The following SLC38A1 variants were observed in gnomAD, a reference collection of about 807,000 sequenced individuals.
SLC38A1 encodes sodium-coupled neutral amino acid symporter 1.
In SLC38A1, 18 loss-of-function variants were observed where a neutral mutation model predicts 60.3. The ratio of observed to expected loss-of-function variants is 0.30; its 90% CI spans 0.21 to 0.44. The LOEUF (loss-of-function observed/expected upper bound fraction) is 0.44, where lower values mean the gene tolerates loss of function less well. Ranked by LOEUF, SLC38A1 falls within the 20% of genes least tolerant of loss-of-function variation. The pLI is 1.00. For synonymous variants in SLC38A1, 196 were observed against 212.1 expected, an observed-to-expected ratio of 0.92 and a Z score of 0.66; for missense variants, 448 against 587.2, an observed-to-expected ratio of 0.76 and a Z score of 2.45.
chr12:46,190,549 C>T (rs2136840386), intron 16 of SLC38A1, among the ~76,000 whole-genome samples: 1 of 152,322 alleles, frequency 6.6e-6, no homozygotes, highest in African/African-American at 2.4e-5. Flanking sequence ...TACACTCCCA[C>T]CAACAGTGTA....
intron 5 of SLC38A1, among the ~76,000 whole-genome samples, chr12:46,213,990 A>T (rs939755689): frequency 2.6e-5 from 4 of 152,248 alleles, no homozygotes; most frequent in African/African-American, 9.6e-5. Context: ...CTATGAAGAT[A>T]GTCCCATGAT....
rs754713817 is a variant in SLC38A1, at chr12:46,188,683, CAT to C, written c.*285_*286del. 3.4e-5 allele frequency: 9 copies of C among 262,038 alleles called. No homozygotes were observed. The highest frequency in any genetic ancestry group is 5.8e-5 in the Non-Finnish European group (8 of 136,898). 16.2% of individuals were successfully genotyped at this position (262,038 alleles called of 1,614,324 possible). On this transcript the variant is annotated 3_prime_UTR_variant, in exon 17 of 17. Coordinates refer to ENST00000398637, the MANE Select transcript of SLC38A1 (RefSeq NM_030674.4). Reference sequence around the variant, plus strand: ...TCTAAGAGACCGGGAAGCCACAAAACATAGAGTTAGATGGGTAAAAAATGATT... The same window carrying C: ...TCTAAGAGACCGGGAAGCCACAAAACAGAGTTAGATGGGTAAAAAATGATT...
rs1939962575 is a variant in SLC38A1 at position 46,207,521 on chromosome 12, C to T, written c.481+8G>A. ...CAAGTTATGTAAAGAAAAGCATGTT[C>T]TTTTTACCTCCAGTGTTCTGTAGAG... On this transcript the variant is annotated splice_region_variant and intron_variant, in intron 7 of 16. Coordinates refer to ENST00000398637, the MANE Select transcript of SLC38A1 (RefSeq NM_030674.4). The T allele has an allele frequency of 6.2e-7, 1 of 1,611,710 alleles. No homozygotes were observed.
In SLC38A1 at chr12:46,189,088, G is replaced by C. The variant is rs568741949; in HGVS notation, c.1363-17C>G. The stretch of plus-strand genomic sequence containing the variant: ...AAGGGCAGCCTGGAGCAAGAGAAAG[G>C]CAAGGGTTATTTTCAGTGCAGCAAA... On this transcript the variant is annotated splice_polypyrimidine_tract_variant and intron_variant, in intron 16 of 16. Coordinates refer to ENST00000398637, the MANE Select transcript of SLC38A1 (RefSeq NM_030674.4). 10 of 1,609,364 alleles carry C rather than the reference G, an allele frequency of 6.2e-6. No homozygotes were observed. The Admixed American group carries it at 1.7e-4, about 27-fold the overall frequency.
In SLC38A1 at chr12:46,186,722, T is replaced by G. The variant is rs1938949222; in HGVS notation, c.*2248A>C. 3 of 152,208 alleles carry G rather than the reference T, an allele frequency of 2.0e-5. No homozygotes were observed. Among genetic ancestry groups the G allele is most frequent in the Admixed American group, 2.0e-4 (3 of 15,280 alleles). 9.4% of individuals were successfully genotyped at this position (152,208 alleles called of 1,614,324 possible). A position where few individuals can be genotyped will look rare whatever the true frequency, so the allele number is the denominator to read the frequency against. ...AAATAAATCTATTTTAAATAAATAT[T>G]CCTTGTATTGACACATGAAACCCAG... is the stretch of plus-strand genomic sequence containing the variant. On this transcript the variant is annotated 3_prime_UTR_variant, in exon 17 of 17. Coordinates refer to ENST00000398637, the MANE Select transcript of SLC38A1 (RefSeq NM_030674.4).
intron 16 of SLC38A1, among the ~76,000 whole-genome samples, chr12:46,195,003 G>A (rs1049416694): frequency 1.3e-5 from 2 of 152,174 alleles, no homozygotes; most frequent in Non-Finnish European, 2.9e-5. Flanking sequence ...ATCCTTTGGA[G>A]GAGAAGAGGT....
chr12:46,244,553 A>G (rs1941551445), intron 1 of SLC38A1, among the ~76,000 whole-genome samples: 1 of 152,248 alleles, frequency 6.6e-6, no homozygotes, highest in Non-Finnish European at 1.5e-5. Flanking sequence ...GTGCTGCAGC[A>G]GCAGGTAGCC....
chr12:46,267,999 C>T (rs993659217), intron 1 of SLC38A1, among the ~76,000 whole-genome samples: 1 of 152,192 alleles, frequency 6.6e-6, no homozygotes, highest in African/African-American at 2.4e-5. Flanking sequence ...AAACATGCCC[C>T]GGTTTAGTGG....
rs1257022030 is a variant in SLC38A1 at position 46,183,157 on chromosome 12, T to C, written c.*5813A>G. Reference sequence around the variant, plus strand: ...ATATTTCTTTATTTACACCACACTCTGAAAAAAAAAACCCAGTTCTATTTG... The same window carrying C: ...ATATTTCTTTATTTACACCACACTCCGAAAAAAAAAACCCAGTTCTATTTG... On this transcript the variant is annotated 3_prime_UTR_variant, in exon 17 of 17. Coordinates refer to ENST00000398637, the MANE Select transcript of SLC38A1 (RefSeq NM_030674.4). The C allele has an allele frequency of 6.6e-6, 1 of 151,772 alleles. No individual in the cohort carries two copies. The highest frequency in any genetic ancestry group is 1.5e-5 in the Non-Finnish European group (1 of 67,916). 9.4% of individuals were successfully genotyped at this position (151,772 alleles called of 1,614,324 possible).
intron 3 of SLC38A1, among the ~76,000 whole-genome samples, chr12:46,233,086 A>ATAGCTC (rs909975391): frequency 5.3e-5 from 8 of 152,096 alleles, no homozygotes; most frequent in South Asian, 2.1e-4. Context: ...TGACACAATC[A>ATAGCTC]TAGCTCACTG....
rs542272775 is a variant in SLC38A1, at chr12:46,184,071, G to C, written c.*4899C>G. On this transcript the variant is annotated 3_prime_UTR_variant, in exon 17 of 17. Transcript: ENST00000398637. ...CTGCATAGATTCTTCCTTTAAAAAC[G>C]TAAATTTGAGCCTGTATACAGATGG... 1 of 152,504 alleles carries C rather than the reference G, an allele frequency of 6.6e-6. No homozygotes were observed. The highest frequency in any genetic ancestry group is 1.5e-5 in the Non-Finnish European group (1 of 68,012). The allele number at this position is 152,504 out of a possible 1,614,324, so 9.4% of individuals were successfully genotyped here. A position where few individuals can be genotyped will look rare whatever the true frequency, so the allele number is the denominator to read the frequency against.
intron 5 of SLC38A1, among the ~76,000 whole-genome samples, chr12:46,213,459 A>G (rs1940267560): frequency 6.6e-6 from 1 of 152,250 alleles, no homozygotes; most frequent in Non-Finnish European, 1.5e-5. Flanking sequence ...CTAACTTCAT[A>G]TCTTAAGTGT....
intron 3 of SLC38A1, among the ~76,000 whole-genome samples, chr12:46,235,437 T>C (rs761038273): frequency 1.3e-5 from 2 of 151,948 alleles, no homozygotes; most frequent in Non-Finnish European, 2.9e-5. Context: ...ACAAAGATAT[T>C]GGAAAACATG....
chr12:46,240,918 G>A (rs1238225337), intron 2 of SLC38A1, among the ~76,000 whole-genome samples: 1 of 152,188 alleles, frequency 6.6e-6, no homozygotes, highest in African/African-American at 2.4e-5. Flanking sequence ...CCCATAGTAA[G>A]TAGGGAGGGA....
chr12:46,196,806 T>G (rs894449291), intron 16 of SLC38A1, among the ~76,000 whole-genome samples: 28 of 152,212 alleles, frequency 1.8e-4, no homozygotes, highest in African/African-American at 6.7e-4. Context: ...AGCAGCCACT[T>G]CACCCCTGCT....
At chr12:46,198,597 C>T in intron 14 of SLC38A1, 28 bp downstream of exon 14, 1 of 1,471,302 alleles carries the variant, frequency 6.8e-7, no homozygotes, top group South Asian at 1.2e-5. Flanking sequence ...CTCAGCTTTT[C>T]TCATATTGCA....
At chr12:46,192,927 C>T (rs553708805) in intron 16 of SLC38A1, among the ~76,000 whole-genome samples, 1 of 152,094 alleles carries the variant, frequency 6.6e-6, no homozygotes, top group Non-Finnish European at 1.5e-5. Context: ...GTATCTCTAT[C>T]TCCTTCAATT....
intron 3 of SLC38A1, among the ~76,000 whole-genome samples, chr12:46,233,979 G>A (rs1724071275): frequency 6.6e-6 from 1 of 152,158 alleles, no homozygotes; most frequent in Admixed American, 6.5e-5. Context: ...TACAATCAGT[G>A]CATTCTGAGA....
chr12:46,193,984 A>G (rs1939258498), intron 16 of SLC38A1, among the ~76,000 whole-genome samples: 1 of 152,168 alleles, frequency 6.6e-6, no homozygotes, highest in Non-Finnish European at 1.5e-5. Context: ...TTATGATGTT[A>G]GCTGGTTATT....
Sources: allele counts gnomAD v4.1 joint callset (sites outside exome capture counted in the v4.1 genomes callset), GRCh38; gene constraint gnomAD v4.1.1; transcripts MANE v1.5; gene names NCBI Gene and HGNC (gene_info 2026-07-23, HGNC 2026-07-21).